The following MAGI2 variants were observed in gnomAD, a reference collection of about 807,000 sequenced individuals.
The protein encoded by MAGI2 is membrane associated guanylate kinase, WW and PDZ domain containing 2.
Under a neutral mutation model 133.3 loss-of-function variants are expected in MAGI2, and 35 were observed. The ratio of observed to expected loss-of-function variants is 0.26; its 90% CI spans 0.20 to 0.35. The LOEUF is 0.35. Ranked by LOEUF, MAGI2 falls within the 10% of genes least tolerant of loss-of-function variation. The probability of loss-of-function intolerance (pLI) is 1.00; values close to 1 mark genes in which losing one functional copy is unlikely to be tolerated. For synonymous variants in MAGI2, 729 were observed against 710.6 expected, an observed-to-expected ratio of 1.03 and a Z score of -0.41; for missense variants, 1,636 against 1,863.4, an observed-to-expected ratio of 0.88 and a Z score of 2.25.
intron 2 of MAGI2, among the ~76,000 whole-genome samples, chr7:78,652,518 G>A (rs966653789): frequency 3.9e-5 from 6 of 152,172 alleles, no homozygotes; most frequent in African/African-American, 1.4e-4. Flanking sequence ...CAAAAGCAAT[G>A]GGGAAAGGGT....
chr7:78,588,549 C>T (rs1803659682), intron 3 of MAGI2, among the ~76,000 whole-genome samples: 1 of 152,186 alleles, frequency 6.6e-6, no homozygotes, highest in African/African-American at 2.4e-5. Flanking sequence ...ACAACTTGCA[C>T]CACTCAGGTG....
At chr7:78,185,819 A>G (rs982937902) in intron 12 of MAGI2, 149 bp from the exon 13 acceptor site, 3 of 516,468 alleles carry the variant, frequency 5.8e-6, no homozygotes, top group Non-Finnish European at 1.0e-5. Flanking sequence ...GATCCAAGTT[A>G]GTGGACAAAT....
rs1310225446 is a variant in MAGI2 at position 78,017,647 on chromosome 7, C to G, written c.*1668G>C. On this transcript the variant is annotated 3_prime_UTR_variant, in exon 22 of 22. Transcript: ENST00000354212. The stretch of plus-strand genomic sequence containing the variant: ...GTTTCATTTTTGGAAATTGCTTTTA[C>G]AAGCTGCAAGATCCTTCACTTGAGG... The G allele has an allele frequency of 6.6e-6, 1 of 152,640 alleles. No individual in the cohort carries two copies. The highest frequency in any genetic ancestry group is 1.5e-5 in the Non-Finnish European group (1 of 68,046). The allele number at this position is 152,640 out of a possible 1,614,324, so 9.5% of individuals were successfully genotyped here.
At chr7:78,449,391 T>C (rs1408459075) in intron 6 of MAGI2, among the ~76,000 whole-genome samples, 1 of 152,030 alleles carries the variant, frequency 6.6e-6, no homozygotes, top group Non-Finnish European at 1.5e-5. Flanking sequence ...ACTTACAAAA[T>C]ATAAACAGGA....
At chr7:79,352,468 T>C (rs1243945691) in intron 1 of MAGI2, among the ~76,000 whole-genome samples, 3 of 152,210 alleles carry the variant, frequency 2.0e-5, no homozygotes, top group Non-Finnish European at 4.4e-5. Context: ...AGAGGTCATG[T>C]AGCTCAGGAT....
At chr7:79,028,356 T>TAC (rs200071638) in intron 1 of MAGI2, among the ~76,000 whole-genome samples, 22 of 119,430 alleles carry the variant, frequency 1.8e-4, no homozygotes, top group South Asian at 1.1e-3. Flanking sequence ...CACACACACA[T>TAC]ACACACACAC....
At chr7:78,707,172 A>T (rs2151166020) in intron 2 of MAGI2, among the ~76,000 whole-genome samples, 1 of 152,298 alleles carries the variant, frequency 6.6e-6, no homozygotes, top group East Asian at 1.9e-4. Context: ...TTAGTGAATA[A>T]GATATCAATA....
chr7:79,304,842 T>C (rs945423683), intron 1 of MAGI2, among the ~76,000 whole-genome samples: 27 of 152,146 alleles, frequency 1.8e-4, no homozygotes, highest in African/African-American at 6.5e-4. Context: ...AGGAATGCAT[T>C]AAATAGTCAC....
intron 21 of MAGI2, among the ~76,000 whole-genome samples, chr7:78,042,980 C>A (rs1811014826): frequency 6.6e-6 from 1 of 152,180 alleles, no homozygotes; most frequent in Non-Finnish European, 1.5e-5. Context: ...ATCAGCAGGG[C>A]ACAACATAGG....
intron 2 of MAGI2, among the ~76,000 whole-genome samples, chr7:78,793,769 A>G (rs906431635): frequency 6.6e-6 from 1 of 152,214 alleles, no homozygotes; most frequent in African/African-American, 2.4e-5. Flanking sequence ...TCTGATTAGT[A>G]TTTGGTCAGT....
intron 2 of MAGI2, among the ~76,000 whole-genome samples, chr7:78,745,572 G>C (rs897698106): frequency 6.6e-6 from 1 of 152,010 alleles, no homozygotes; most frequent in Non-Finnish European, 1.5e-5. Flanking sequence ...CAGAGGATTT[G>C]GTAAGTTGTG....
intron 9 of MAGI2, among the ~76,000 whole-genome samples, chr7:78,275,329 C>A (rs1177369398): frequency 6.6e-6 from 1 of 152,176 alleles, no homozygotes; most frequent in African/African-American, 2.4e-5. Context: ...GTTGGAAATT[C>A]AGAAATCACC....
Position 79,133,610 on chromosome 7 carries a change from T to C in MAGI2, c.302-126404A>G, listed in dbSNP as rs180737558. Among the ~76,000 whole-genome samples the C allele has an allele frequency of 2.3e-3, 344 of 152,316 alleles. 2 individuals are homozygous for C. The highest frequency in any genetic ancestry group is 7.8e-3 in the African/African-American group (325 of 41,578). On this transcript the variant is annotated intron_variant, in intron 1 of 21. Coordinates refer to ENST00000354212, the MANE Select transcript of MAGI2 (RefSeq NM_012301.4). ...CAATATGTTCTGCAAATCATTGTCA[T>C]TAGTAGTATTATTTTTCTAACTTTT... is the stretch of plus-strand genomic sequence containing the variant.
chr7:78,693,699 G>C (rs117682418), intron 2 of MAGI2, among the ~76,000 whole-genome samples: 1 of 152,118 alleles, frequency 6.6e-6, no homozygotes, highest in Non-Finnish European at 1.5e-5. Flanking sequence ...CAGGATGCTA[G>C]AACAGTGCTC....
chr7:78,362,244 G>A (rs1047198558), intron 7 of MAGI2, among the ~76,000 whole-genome samples: 1 of 152,172 alleles, frequency 6.6e-6, no homozygotes, highest in African/African-American at 2.4e-5. Context: ...GGAGGTTGCA[G>A]TAAGCCGAGA....
chr7:78,760,554 G>A (rs1397273555), intron 2 of MAGI2, among the ~76,000 whole-genome samples: 1 of 151,606 alleles, frequency 6.6e-6, no homozygotes, highest in East Asian at 1.9e-4. Flanking sequence ...GTAGAGATGG[G>A]GTTCCTTCTC....
At chr7:78,824,346 C>T (rs1252979785) in intron 2 of MAGI2, among the ~76,000 whole-genome samples, 3 of 152,140 alleles carry the variant, frequency 2.0e-5, no homozygotes, top group Non-Finnish European at 4.4e-5. Flanking sequence ...CTTGAGGAAT[C>T]GCCACACTGT....
rs758636095 is a variant in MAGI2, at chr7:78,343,853, C to T, written c.1333G>A (p.Glu445Lys). The change falls in exon 9 of 22, where the codon GAG (glutamate) becomes AAG (lysine). Residue 445 changes from glutamate (E) to lysine (K), a missense_variant. Around this residue, in one of 5 missense-constraint regions of MAGI2, gnomAD observed 920 missense variants for 1,093.5 expected, o/e 0.84. Transcript: ENST00000354212. Reference sequence around the variant, plus strand: ...TTCACCTGCAGAAACTCATCAGGCTCGTCTCCACCAATGATGGTAAATCCA... The same window carrying T: ...TTCACCTGCAGAAACTCATCAGGCTTGTCTCCACCAATGATGGTAAATCCA... ...GFGFTIIGGD[E>K]PDEFLQVKSV... 3.1e-6 allele frequency: 5 copies of T among 1,613,232 alleles called. No homozygotes were observed. The highest frequency in any genetic ancestry group is 3.4e-6 in the Non-Finnish European group (4 of 1,179,726).
At chr7:78,636,340 C>G (rs1809634333) in intron 2 of MAGI2, among the ~76,000 whole-genome samples, 1 of 145,310 alleles carries the variant, frequency 6.9e-6, no homozygotes, top group African/African-American at 2.6e-5. Flanking sequence ...TAGGTATCTT[C>G]CAAAAACAGG....
Sources: allele counts gnomAD v4.1 joint callset (sites outside exome capture counted in the v4.1 genomes callset), GRCh38; gene constraint gnomAD v4.1.1; regional missense constraint gnomAD v4.1.1; transcripts MANE v1.5; gene names NCBI Gene and HGNC (gene_info 2026-07-23, HGNC 2026-07-21).